The following NBPF12 variants were observed in gnomAD, a reference collection of about 807,000 sequenced individuals.
NBPF12 encodes NBPF family member NBPF12.
NBPF12 carries 115 observed loss-of-function variants against 146.4 expected under a neutral mutation model. That is an observed-to-expected ratio of 0.79 (90% CI 0.68 to 0.92). The LOEUF is 0.92. Ranked by LOEUF, NBPF12 falls within the 40% of genes least tolerant of loss-of-function variation. The pLI is 0.00. For synonymous variants in NBPF12, 385 were observed against 508.9 expected, an observed-to-expected ratio of 0.76 and a Z score of 3.28; for missense variants, 1,205 against 1,326.8, an observed-to-expected ratio of 0.91 and a Z score of 1.43.
chr1:146,939,554 G>C (rs1238637499), intron 1 of NBPF12, among the ~76,000 whole-genome samples: 1 of 151,944 alleles, frequency 6.6e-6, no homozygotes, highest in Non-Finnish European at 1.5e-5. Context: ...TGGTAGGTTG[G>C]ACTGTGGTGT....
intron 19 of NBPF12, among the ~76,000 whole-genome samples, chr1:146,980,567 T>G (rs1343549738): frequency 4.6e-5 from 7 of 151,872 alleles, no homozygotes; most frequent in African/African-American, 4.9e-5. Context: ...TCTCCTTCAC[T>G]TATGAAGCTT....
upstream of NBPF12, among the ~76,000 whole-genome samples, chr1:146,949,012 A>T (rs1553883632): frequency 3.8e-4 from 57 of 151,994 alleles, no homozygotes; most frequent in East Asian, 9.6e-3. Context: ...ATGCAGAGAC[A>T]TTTGTTCACG....
At chr1:146,961,183 A>G (rs1265764931) in intron 4 of NBPF12, among the ~76,000 whole-genome samples, 2 of 151,978 alleles carry the variant, frequency 1.3e-5, no homozygotes, top group Non-Finnish European at 2.9e-5. Context: ...TCAAAAATAA[A>G]AATAAAAAGC....
At chr1:146,975,461 A>G (rs1417891715) in intron 15 of NBPF12, among the ~76,000 whole-genome samples, 24 of 150,244 alleles carry the variant, frequency 1.6e-4, no homozygotes, top group Admixed American at 1.6e-3. Flanking sequence ...TGAATGGAAC[A>G]TCATCGAGGA....
intron 1 of NBPF12, among the ~76,000 whole-genome samples, chr1:146,941,010 T>G (rs1162906548): frequency 6.6e-6 from 1 of 152,114 alleles, no homozygotes; most frequent in African/African-American, 2.4e-5. Flanking sequence ...ATATATGGAT[T>G]GCATTTCTCT....
chr1:146,965,144 G>T, intron 8 of NBPF12, 40 bp downstream of exon 11: 4 of 1,126,114 alleles, frequency 3.6e-6, no homozygotes, highest in Non-Finnish European at 5.4e-6. Context: ...CTCTGTCTAG[G>T]CTATGGAAGA....
rs1270778096 is a variant in NBPF12, at chr1:146,969,183, A to G, written c.1092-199A>G. 1.7e-4 allele frequency among the ~76,000 whole-genome samples: 25 copies of G among 151,510 alleles called. 1 individual carries two copies. Among genetic ancestry groups the G allele is most frequent in the African/African-American group, 5.9e-4 (24 of 40,994 alleles). ...AATGGAACATCATCGAGGATCTTGC[A>G]GGAGCCCTCTCTGATACAGAGGAAG... On this transcript the variant is annotated intron_variant, in intron 10 of 33. Transcript: ENST00000617844.
chr1:146,965,895 C>G (rs1176619960), intron 8 of NBPF12, among the ~76,000 whole-genome samples: 5 of 148,926 alleles, frequency 3.4e-5, no homozygotes, highest in African/African-American at 1.2e-4. Flanking sequence ...AACACCTGAG[C>G]TCAGGAGATC....
At chr1:146,959,317 A>G (rs1271422363) in intron 2 of NBPF12, among the ~76,000 whole-genome samples, 1 of 47,786 alleles carries the variant, frequency 2.1e-5, no homozygotes, top group Admixed American at 2.5e-4. Context: ...TACTAAAAAT[A>G]CAAAAAAAAA....
Position 146,957,987 on chromosome 1 carries a change from G to GTGTA in NBPF12, c.-183-1871_-183-1870insGTAT, listed in dbSNP as rs1655678098. Among the ~76,000 whole-genome samples the GTGTA allele has an allele frequency of 9.5e-5, 11 of 115,618 alleles. 1 individual carries two copies. Among genetic ancestry groups the GTGTA allele is most frequent in the African/African-American group, 3.3e-4 (11 of 33,490 alleles). The allele number at this position is 115,618 out of a possible 152,430, so 75.8% of individuals were successfully genotyped here. A position where few individuals can be genotyped will look rare whatever the true frequency, so the allele number is the denominator to read the frequency against. ...CGTGTATACATGTATATATGTGTGT[G>GTGTA]TATATATATATATACATGTGTATAT... On this transcript the variant is annotated intron_variant, in intron 2 of 33. Transcript: ENST00000617844.
At chr1:146,965,569 T>A (rs1285218492) in intron 8 of NBPF12, among the ~76,000 whole-genome samples, 1 of 144,574 alleles carries the variant, frequency 6.9e-6, no homozygotes, top group East Asian at 2.1e-4. Flanking sequence ...GATCACGAGG[T>A]CAGGAGATTG....
chr1:146,940,500 G>A (rs1203153611), intron 1 of NBPF12, among the ~76,000 whole-genome samples: 1 of 151,366 alleles, frequency 6.6e-6, no homozygotes, highest in African/African-American at 2.4e-5. Context: ...AGATTGCAGT[G>A]AGCAGTGATC....
At chr1:146,971,379 C>G (rs1553886435) in exon 13 of NBPF12, 59 of 1,610,832 alleles carry the variant, frequency 3.7e-5, no homozygotes, top group Non-Finnish European at 4.5e-5. Flanking sequence ...TCAGGATGCT[C>G]TAAACATTCT....
intron 1 of NBPF12, among the ~76,000 whole-genome samples, chr1:146,939,576 G>A (rs1317759824): frequency 2.0e-5 from 3 of 151,950 alleles, no homozygotes; most frequent in Non-Finnish European, 4.4e-5. Context: ...GGTGTTTGCA[G>A]TCCAAAGAGT....
At chr1:146,994,366 G>A in exon 34 of NBPF12, 3 of 1,612,198 alleles carry the variant, frequency 1.9e-6, no homozygotes, top group Non-Finnish European at 2.5e-6. Context: ...GGAAGAGCCT[G>A]AAGTCTTGCA....
intron 8 of NBPF12, among the ~76,000 whole-genome samples, chr1:146,966,166 T>C: frequency 6.6e-6 from 1 of 151,956 alleles, no homozygotes; most frequent in East Asian, 1.9e-4. Context: ...AAATCTTTTG[T>C]GCTACACAGA....
intron 19 of NBPF12, among the ~76,000 whole-genome samples, chr1:146,979,969 C>G (rs1657264836): frequency 2.6e-5 from 3 of 113,984 alleles, no homozygotes; most frequent in Non-Finnish European, 3.6e-5. Flanking sequence ...GTAGGTCTCT[C>G]AGGACTTGCT....
chr1:146,969,957 A>T (rs1656478986), intron 11 of NBPF12, among the ~76,000 whole-genome samples: 1 of 150,440 alleles, frequency 6.6e-6, no homozygotes, highest in Non-Finnish European at 1.5e-5. Context: ...GTTCTTAGTA[A>T]GTGTCGGTGA....
At chr1:146,964,720 C>G (rs1656080994) in intron 7 of NBPF12, among the ~76,000 whole-genome samples, 173 bp from the exon 11 acceptor site, 1 of 152,010 alleles carries the variant, frequency 6.6e-6, no homozygotes, top group Non-Finnish European at 1.5e-5. Flanking sequence ...CCCATGGCAG[C>G]CATGCTCTGT....
Sources: gnomAD v4.1 joint callset for allele counts (sites outside exome capture counted in the v4.1 genomes callset) on GRCh38, gnomAD v4.1.1 for gene constraint, MANE v1.5 for transcripts, NCBI Gene and HGNC (gene_info 2026-07-23, HGNC 2026-07-21) for gene names.